PRMT7: variants seen among roughly 807,000 people sequenced by gnomAD.
PRMT7 encodes protein arginine methyltransferase 7, also known as protein arginine N-methyltransferase 7.
PRMT7 carries 75 observed loss-of-function variants against 85.4 expected under a neutral mutation model. That is an observed-to-expected ratio of 0.88 (90% confidence interval 0.73 to 1.06). PRMT7 has a LOEUF of 1.06. Among genes scored for constraint, PRMT7 ranks in the 50% least tolerant of loss-of-function variants. The probability of loss-of-function intolerance (pLI) is 0.00; values close to 1 mark genes in which losing one functional copy is unlikely to be tolerated. For synonymous variants in PRMT7, 397 were observed against 359.5 expected, an observed-to-expected ratio of 1.10 and a Z score of -1.18; for missense variants, 868 against 915.2, an observed-to-expected ratio of 0.95 and a Z score of 0.67.
rs751159906 is a variant in PRMT7, at chr16:68,357,028, C to T, written c.1909-26C>T. ...AGGCTCAGGTGCCAGGGAGCCCTCACCATCTTCCTGCTCTTCTTCCTACAG... is the reference window on the plus strand; with the variant it reads ...AGGCTCAGGTGCCAGGGAGCCCTCATCATCTTCCTGCTCTTCTTCCTACAG... On this transcript the variant is annotated intron_variant, in intron 18 of 18. Transcript: ENST00000441236. 8 of 1,583,392 alleles carry T rather than the reference C, an allele frequency of 5.1e-6. No individual in the cohort carries two copies. In the African/African-American group the frequency reaches 9.4e-5, roughly 19 times the overall value.
chr16:68,337,412 TC>T, intron 6 of PRMT7, 46 bp from the exon 7 acceptor site: 1 of 1,330,616 alleles, frequency 7.5e-7, no homozygotes, highest in Non-Finnish European at 1.1e-6. Flanking sequence ...TAAATATTTT[TC>T]CTAGTCTGTT....
At chr16:68,340,450 C>T (rs1473992440) in intron 9 of PRMT7, among the ~76,000 whole-genome samples, 1 of 152,148 alleles carries the variant, frequency 6.6e-6, no homozygotes, top group Admixed American at 6.5e-5. Context: ...TAGCTGCTCA[C>T]AGCACCTATG....
At chr16:68,312,895 G>A (rs904069839) in intron 2 of PRMT7, among the ~76,000 whole-genome samples, 1 of 152,212 alleles carries the variant, frequency 6.6e-6, no homozygotes, top group Admixed American at 6.5e-5. Context: ...CGCGATCTTG[G>A]CTCACTGCAA....
At chr16:68,343,608 A>G (rs1567709176) in intron 9 of PRMT7, among the ~76,000 whole-genome samples, 1 of 152,154 alleles carries the variant, frequency 6.6e-6, no homozygotes, top group Non-Finnish European at 1.5e-5. Flanking sequence ...GAAGGACATG[A>G]TGACAGGGCA....
At chr16:68,347,097 G>A (rs918311236) in intron 11 of PRMT7, 114 bp from the exon 12 acceptor site, 1 of 920,132 alleles carries the variant, frequency 1.1e-6, no homozygotes, top group African/African-American at 1.7e-5. Flanking sequence ...GCAGGGGGAT[G>A]GTCTGAGGTC....
chr16:68,347,277 C>T lies in PRMT7; in HGVS notation c.1258C>T (p.His420Tyr). 1 of 1,548,732 alleles carries T rather than the reference C, an allele frequency of 6.5e-7. No individual in the cohort carries two copies. Residue 420 changes from histidine (H) to tyrosine (Y), a missense_variant, in exon 12 of 19, where the codon CAC (histidine) becomes TAC (tyrosine). By Grantham distance (83) the His-to-Tyr change is moderately conservative (BLOSUM62 2). Transcript: ENST00000441236. ...CAGCCTGCTCTCCGTGCTGGCCCAT[C>T]ACCTGGGGGTGGAGCAGGTACTGAC... ...DGSLLSVLAH[H>Y]LGVEQVFTVE...
At chr16:68,313,005 A>G (rs1458725540) in intron 2 of PRMT7, among the ~76,000 whole-genome samples, 1 of 152,076 alleles carries the variant, frequency 6.6e-6, no homozygotes, top group African/African-American at 2.4e-5. Flanking sequence ...TTGTATTTTT[A>G]GTAGAGACGG....
At chr16:68,330,955 G>A (rs1040272244) in intron 6 of PRMT7, among the ~76,000 whole-genome samples, 10 of 152,000 alleles carry the variant, frequency 6.6e-5, no homozygotes, top group East Asian at 1.9e-4. Flanking sequence ...TACAATCAAC[G>A]TTATTGAAGT....
In PRMT7 at chr16:68,337,529, G is replaced by A; in HGVS notation, c.462G>A (p.Gly154=). ...ELFDTELIGE[G]ALPSYEHAHR... The stretch of plus-strand genomic sequence containing the variant: ...TTGACACAGAGCTGATCGGGGAGGG[G>A]GCGCTGCCCTCCTATGAGCACGCAC... The change falls in exon 7 of 19, where the codon GGG becomes GGA. Residue 154 remains glycine, a synonymous_variant. Transcript: ENST00000441236. The A allele has an allele frequency of 6.2e-7, 1 of 1,611,472 alleles. No homozygotes were observed. Among genetic ancestry groups the A allele is most frequent in the South Asian group, 1.1e-5 (1 of 90,928 alleles).
At position 68,339,881 on chromosome 16, in the gene PRMT7, G is replaced by C. The variant is rs141861333; in HGVS notation, c.840G>C (p.Ser280=). 4 of 1,614,040 alleles carry C rather than the reference G, an allele frequency of 2.5e-6. No individual in the cohort carries two copies. The highest frequency in any genetic ancestry group is 3.4e-6 in the Non-Finnish European group (4 of 1,180,040). ...LTSGRAQVVL[S]WWDIEMDPEG... ...CTGGCCGAGCTCAGGTGGTTCTCTC[G>C]TGGTGGGACATTGAAATGGACCCTG... Residue 280 remains serine, a synonymous_variant, in exon 9 of 19, where the codon TCG becomes TCC. Coordinates refer to ENST00000441236, the MANE Select transcript of PRMT7 (RefSeq NM_019023.5).
chr16:68,340,657 A>G (rs575816762), intron 9 of PRMT7, among the ~76,000 whole-genome samples: 43 of 152,240 alleles, frequency 2.8e-4, no homozygotes, highest in Non-Finnish European at 5.1e-4. Context: ...AATAAAGTTT[A>G]AACAGTTTGC....
chr16:68,353,342 GT>G (rs1404570257), intron 15 of PRMT7, 149 bp from the exon 16 acceptor site: 14 of 1,464,818 alleles, frequency 9.6e-6, no homozygotes, highest in Non-Finnish European at 1.3e-5. Flanking sequence ...TACAGAAACC[GT>G]TGTGGATCTT....
rs1242541030 is a variant in PRMT7 at position 68,357,052 on chromosome 16, AG to A, written c.1913del. ...ACCATCTTCCTGCTCTTCTTCCTAC[AG>A]GGGGGCTGCTGCTGGAACCCCCACT... On this transcript the variant is annotated splice_acceptor_variant, in intron 18 of 18. Coordinates refer to ENST00000441236, the MANE Select transcript of PRMT7 (RefSeq NM_019023.5). LOFTEE classifies it high-confidence loss of function. 1 of 1,604,204 alleles carries A rather than the reference AG, an allele frequency of 6.2e-7. No individual in the cohort carries two copies. The highest frequency in any genetic ancestry group is 1.7e-5 in the Admixed American group (1 of 59,164).
At chr16:68,343,734 A>G (rs550749736) in intron 9 of PRMT7, among the ~76,000 whole-genome samples, 43 of 152,118 alleles carry the variant, frequency 2.8e-4, no homozygotes, top group South Asian at 1.0e-3. Flanking sequence ...TCCTGTTACT[A>G]TTTATTTTTC....
At chr16:68,338,322 C>T (rs1425194426) in intron 7 of PRMT7, among the ~76,000 whole-genome samples, 1 of 151,784 alleles carries the variant, frequency 6.6e-6, no homozygotes, top group Non-Finnish European at 1.5e-5. Flanking sequence ...GGTTTGGGCA[C>T]CTGGATTGGA....
chr16:68,325,784 C>T (rs2083042159), intron 5 of PRMT7, among the ~76,000 whole-genome samples: 1 of 151,954 alleles, frequency 6.6e-6, no homozygotes, highest in South Asian at 2.1e-4. Flanking sequence ...GAGTGAGACT[C>T]CATCTCAAAA....
At chr16:68,348,168 G>T (rs1451831800) in intron 13 of PRMT7, among the ~76,000 whole-genome samples, 174 bp from the exon 14 acceptor site, 1 of 152,190 alleles carries the variant, frequency 6.6e-6, no homozygotes, top group Non-Finnish European at 1.5e-5. Flanking sequence ...CTCATCCGTG[G>T]TCTATAGGAT....
intron 5 of PRMT7, among the ~76,000 whole-genome samples, 198 bp downstream of exon 5, chr16:68,325,030 C>A (rs1479351489): frequency 2.0e-5 from 3 of 152,250 alleles, no homozygotes; most frequent in African/African-American, 7.2e-5. Flanking sequence ...CTCTGTCAGC[C>A]TAGGCTGCAC....
chr16:68,359,496 C>T (rs983038696), downstream of PRMT7: 3 of 152,784 alleles, frequency 2.0e-5, no homozygotes, highest in African/African-American at 7.2e-5. Context: ...TCCCTGGGCT[C>T]TGCAGCGTTG....
Sources: gnomAD v4.1 joint callset for allele counts (sites outside exome capture counted in the v4.1 genomes callset) on GRCh38, gnomAD v4.1.1 for gene constraint, MANE v1.5 for transcripts, NCBI Gene and HGNC (gene_info 2026-07-23, HGNC 2026-07-21) for gene names.